The following NAALADL2 variants were observed in gnomAD, a reference collection of about 807,000 sequenced individuals.
The protein encoded by NAALADL2 is inactive N-acetylated-alpha-linked acidic dipeptidase-like protein 2.
Under a neutral mutation model 87.2 loss-of-function variants are expected in NAALADL2, and 76 were observed. That is an observed-to-expected ratio of 0.87 (90% CI 0.72 to 1.05). The LOEUF (loss-of-function observed/expected upper bound fraction) is 1.05. Among genes scored for constraint, NAALADL2 ranks in the 50% least tolerant of loss-of-function variants. The probability of loss-of-function intolerance (pLI) is 0.00; values close to 1 mark genes in which losing one functional copy is unlikely to be tolerated. For missense variants in NAALADL2, 1,089 were observed against 945.8 expected, an observed-to-expected ratio of 1.15 and a Z score of -1.99; for synonymous variants, 354 against 331.0, an observed-to-expected ratio of 1.07 and a Z score of -0.75.
chr3:174,922,107 AC>A (rs967408392), intron 1 of NAALADL2, among the ~76,000 whole-genome samples: 2 of 151,956 alleles, frequency 1.3e-5, no homozygotes, highest in African/African-American at 4.8e-5. Flanking sequence ...GGTGTTTGAG[AC>A]CAGGTTGGCC....
At chr3:175,291,809 C>T in intron 4 of NAALADL2, among the ~76,000 whole-genome samples, 1 of 152,144 alleles carries the variant, frequency 6.6e-6, no homozygotes, top group African/African-American at 2.4e-5. Context: ...ACCATGAAAA[C>T]ATACAATGGA....
chr3:174,816,051 AAAC>A (rs749780846), intron 3 of NAALADL2, among the ~76,000 whole-genome samples: 5 of 152,032 alleles, frequency 3.3e-5, no homozygotes, highest in Non-Finnish European at 7.4e-5. Flanking sequence ...AAATTACATA[AAAC>A]AACAACATTG....
chr3:175,748,363 T>A (rs1746194317), intron 12 of NAALADL2, among the ~76,000 whole-genome samples: 1 of 152,218 alleles, frequency 6.6e-6, no homozygotes, highest in African/African-American at 2.4e-5. Context: ...ATTGGCAATT[T>A]CTTTTATTTT....
intron 9 of NAALADL2, among the ~76,000 whole-genome samples, chr3:175,562,288 T>G (rs1716397107): frequency 6.6e-6 from 1 of 152,122 alleles, no homozygotes; most frequent in African/African-American, 2.4e-5. Context: ...TTAAAACTGA[T>G]TGAAGGTAAT....
chr3:175,660,430 C>T (rs577946908), intron 11 of NAALADL2, among the ~76,000 whole-genome samples: 1 of 152,250 alleles, frequency 6.6e-6, no homozygotes, highest in South Asian at 2.1e-4. Context: ...TGTTTTGATA[C>T]ATGTACACAA....
At chr3:175,767,515 TTGTA>T (rs772078215) in intron 13 of NAALADL2, 5 of 152,074 alleles carry the variant, frequency 3.3e-5, no homozygotes, top group Non-Finnish European at 7.4e-5. Flanking sequence ...AATTCTAAGT[TTGTA>T]TGTGCATTAG....
intron 3 of NAALADL2, among the ~76,000 whole-genome samples, chr3:174,811,966 C>A (rs1443381071): frequency 6.6e-6 from 1 of 152,080 alleles, no homozygotes; most frequent in African/African-American, 2.4e-5. Flanking sequence ...GCACCTCCCC[C>A]TCTTTCTCTC....
chr3:175,503,328 A>G (rs1274598128), intron 9 of NAALADL2, among the ~76,000 whole-genome samples: 1 of 152,084 alleles, frequency 6.6e-6, no homozygotes, highest in African/African-American at 2.4e-5. Flanking sequence ...CCAGTCTACC[A>G]CCGATGGGTA....
At chr3:175,552,789 G>T (rs1714635615) in intron 9 of NAALADL2, among the ~76,000 whole-genome samples, 2 of 151,910 alleles carry the variant, frequency 1.3e-5, no homozygotes, top group Non-Finnish European at 2.9e-5. Flanking sequence ...TTTCACAGGT[G>T]GAGATTCAAG....
intron 12 of NAALADL2, among the ~76,000 whole-genome samples, chr3:175,746,631 G>A (rs1362359989): frequency 6.6e-6 from 1 of 152,130 alleles, no homozygotes; most frequent in Non-Finnish European, 1.5e-5. Flanking sequence ...TCTGTATCAT[G>A]TTAGATTTCT....
At chr3:175,792,338 A>G (rs1307353627) in intron 13 of NAALADL2, among the ~76,000 whole-genome samples, 1 of 151,220 alleles carries the variant, frequency 6.6e-6, no homozygotes, top group East Asian at 1.9e-4. Flanking sequence ...TGTAATTAAC[A>G]TTAAATCATT....
At chr3:174,590,865 G>C (rs1429253785) in intron 2 of NAALADL2, among the ~76,000 whole-genome samples, 2 of 151,800 alleles carry the variant, frequency 1.3e-5, no homozygotes, top group Non-Finnish European at 2.9e-5. Context: ...ATAAATACTA[G>C]CTATTTCGGT....
chr3:174,767,624 G>A (rs1034127734), intron 3 of NAALADL2, among the ~76,000 whole-genome samples: 3 of 152,144 alleles, frequency 2.0e-5, no homozygotes, highest in Admixed American at 6.5e-5. Context: ...AAGTAATGGG[G>A]CCATGGCTTA....
At chr3:174,895,352 A>G (rs1201065646) in intron 1 of NAALADL2, among the ~76,000 whole-genome samples, 2 of 152,130 alleles carry the variant, frequency 1.3e-5, no homozygotes, top group Non-Finnish European at 2.9e-5. Flanking sequence ...GAGACATTAC[A>G]ACTGATGCTG....
At chr3:175,223,005 G>A (rs975970867) in intron 2 of NAALADL2, among the ~76,000 whole-genome samples, 1 of 151,672 alleles carries the variant, frequency 6.6e-6, no homozygotes, top group Non-Finnish European at 1.5e-5. Flanking sequence ...TGTATTTAGG[G>A]TACGCAACAT....
intron 1 of NAALADL2, among the ~76,000 whole-genome samples, chr3:175,091,596 A>G (rs569284610): frequency 1.5e-3 from 231 of 152,166 alleles, no homozygotes; most frequent in Non-Finnish European, 2.3e-3. Context: ...ATTATCAGTA[A>G]CATTACAGTC....
intron 9 of NAALADL2, among the ~76,000 whole-genome samples, chr3:175,560,328 C>A (rs981088984): frequency 6.6e-6 from 1 of 151,886 alleles, no homozygotes; most frequent in Non-Finnish European, 1.5e-5. Flanking sequence ...CTCATTTTTT[C>A]TTACTTAATC....
At chr3:175,525,150 T>C (rs1733210692) in intron 9 of NAALADL2, among the ~76,000 whole-genome samples, 1 of 152,124 alleles carries the variant, frequency 6.6e-6, no homozygotes, top group Non-Finnish European at 1.5e-5. Flanking sequence ...TTCTGGAAAT[T>C]TCCTATTGCT....
chr3:175,800,254 C>T (rs750635647), intron 13 of NAALADL2, among the ~76,000 whole-genome samples: 1 of 152,214 alleles, frequency 6.6e-6, no homozygotes, highest in South Asian at 2.1e-4. Context: ...CTACACTCCA[C>T]AAGACCTTAT....
Sources: gnomAD v4.1 joint callset for allele counts (sites outside exome capture counted in the v4.1 genomes callset) on GRCh38, gnomAD v4.1.1 for gene constraint, MANE v1.5 for transcripts, NCBI Gene and HGNC (gene_info 2026-07-23, HGNC 2026-07-21) for gene names.